PDE4D: variants seen among roughly 807,000 people sequenced by gnomAD.
PDE4D encodes 3',5'-cyclic-AMP phosphodiesterase 4D.
A neutral mutation model predicts 87.4 loss-of-function variants in PDE4D; 24 were observed. The observed-to-expected ratio is 0.27, with a 90% CI of 0.20 to 0.39. The LOEUF (loss-of-function observed/expected upper bound fraction) is 0.39, where lower values mean the gene tolerates loss of function less well. Among genes scored for constraint, PDE4D ranks in the 10% least tolerant of loss-of-function variants. The probability of loss-of-function intolerance (pLI) is 1.00; values close to 1 mark genes in which losing one functional copy is unlikely to be tolerated. For synonymous variants in PDE4D, 384 were observed against 383.2 expected, an observed-to-expected ratio of 1.00 and a Z score of -0.02; for missense variants, 714 against 1,041.0, an observed-to-expected ratio of 0.69 and a Z score of 4.32.
At chr5:59,776,352 A>G (rs550783513) in intron 1 of PDE4D, among the ~76,000 whole-genome samples, 1 of 152,202 alleles carries the variant, frequency 6.6e-6, no homozygotes, top group Non-Finnish European at 1.5e-5. Flanking sequence ...TGGGAGTTTC[A>G]TTTGTCATTT....
intron 1 of PDE4D, among the ~76,000 whole-genome samples, chr5:59,776,771 T>C (rs1401541620): frequency 6.6e-6 from 1 of 152,132 alleles, no homozygotes; most frequent in East Asian, 1.9e-4. Flanking sequence ...AGTTACCTTT[T>C]AGACAATTTC....
chr5:60,392,663 A>G (rs1443871249), intron 1 of PDE4D, among the ~76,000 whole-genome samples: 2 of 152,222 alleles, frequency 1.3e-5, no homozygotes, highest in Non-Finnish European at 2.9e-5. Flanking sequence ...TGCTGCTGCT[A>G]TGTAGCTATA....
At chr5:59,785,183 A>G (rs1032360321) in intron 1 of PDE4D, among the ~76,000 whole-genome samples, 1 of 152,260 alleles carries the variant, frequency 6.6e-6, no homozygotes, top group Non-Finnish European at 1.5e-5. Context: ...CAAATAGTTT[A>G]TAACTTAATC....
intron 1 of PDE4D, among the ~76,000 whole-genome samples, chr5:59,833,369 A>G (rs190740300): frequency 1.4e-3 from 210 of 152,024 alleles, no homozygotes; most frequent in African/African-American, 4.8e-3. Context: ...GGAAATGACA[A>G]TGGAGGAAAA....
chr5:59,352,905 G>C (rs1780749679), intron 1 of PDE4D, among the ~76,000 whole-genome samples: 1 of 152,122 alleles, frequency 6.6e-6, no homozygotes, highest in African/African-American at 2.4e-5. Flanking sequence ...CTGCTAAAAT[G>C]CTGGGAAGGA....
intron 5 of PDE4D, among the ~76,000 whole-genome samples, chr5:59,149,943 A>C (rs1048761824): frequency 3.3e-5 from 5 of 152,122 alleles, no homozygotes; most frequent in African/African-American, 9.7e-5. Context: ...CAAATGCAGA[A>C]ATTAGCCCAG....
At chr5:59,508,032 A>T (rs1809601163) in intron 1 of PDE4D, among the ~76,000 whole-genome samples, 1 of 152,206 alleles carries the variant, frequency 6.6e-6, no homozygotes, top group East Asian at 1.9e-4. Context: ...TCATTAAATT[A>T]AAAGTTTTTG....
At chr5:59,449,342 G>A (rs1798801958) in intron 1 of PDE4D, among the ~76,000 whole-genome samples, 1 of 152,192 alleles carries the variant, frequency 6.6e-6, no homozygotes, top group South Asian at 2.1e-4. Flanking sequence ...CCCAGGAAAA[G>A]TTTGTGCTGG....
At chr5:60,370,691 T>C (rs1760947727) in intron 1 of PDE4D, among the ~76,000 whole-genome samples, 1 of 152,162 alleles carries the variant, frequency 6.6e-6, no homozygotes, top group African/African-American at 2.4e-5. Flanking sequence ...CCTTTCTATT[T>C]TAACCAAGAT....
At chr5:60,095,993 G>T (rs922424254) in intron 2 of PDE4D, among the ~76,000 whole-genome samples, 3 of 151,900 alleles carry the variant, frequency 2.0e-5, no homozygotes, top group African/African-American at 7.3e-5. Context: ...CTGGATATTA[G>T]CCCTTTGTCA....
rs114850516 is a variant in PDE4D at position 59,710,075 on chromosome 5, T to C, written c.455+183093A>G. On this transcript the variant is annotated intron_variant, in intron 1 of 14. Coordinates refer to ENST00000340635, the MANE Select transcript of PDE4D (RefSeq NM_001104631.2). ...GATTCTGGGTGAGACATGGTGACTA[T>C]GTGCATCTGAATATGCTACAAGGAT... Among the ~76,000 whole-genome samples the C allele has an allele frequency of 3.6e-3, 549 of 152,228 alleles. 4 individuals carry two copies. The highest frequency in any genetic ancestry group is 0.012 in the African/African-American group (515 of 41,546).
intron 13 of PDE4D, among the ~76,000 whole-genome samples, chr5:58,976,144 A>AATT (rs1554033829): frequency 1.3e-5 from 2 of 152,164 alleles, no homozygotes; most frequent in African/African-American, 2.4e-5. Flanking sequence ...TAGTTTTTTT[A>AATT]ATTAATGTAG....
chr5:59,278,339 G>A (rs958413873), intron 1 of PDE4D, among the ~76,000 whole-genome samples: 8 of 152,012 alleles, frequency 5.3e-5, no homozygotes, highest in Non-Finnish European at 1.0e-4. Flanking sequence ...GGCTGATGAG[G>A]AGGCCTGAAT....
chr5:59,901,890 TG>T (rs1752298794), intron 3 of PDE4D, among the ~76,000 whole-genome samples: 1 of 150,488 alleles, frequency 6.6e-6, no homozygotes, highest in African/African-American at 2.4e-5. Context: ...ATTCTACTCC[TG>T]GGTACACAGC....
intron 2 of PDE4D, among the ~76,000 whole-genome samples, chr5:59,212,829 A>G (rs1750366527): frequency 6.6e-6 from 1 of 151,906 alleles, no homozygotes. Flanking sequence ...TCATTCGCCT[A>G]TTTAACATTG....
At chr5:59,446,443 A>T (rs2153638366) in intron 1 of PDE4D, among the ~76,000 whole-genome samples, 1 of 152,330 alleles carries the variant, frequency 6.6e-6, no homozygotes, top group African/African-American at 2.4e-5. Flanking sequence ...AGTGTGCATA[A>T]GAAAACTGCC....
chr5:60,378,197 A>G (rs1407847489), intron 1 of PDE4D, among the ~76,000 whole-genome samples: 1 of 152,196 alleles, frequency 6.6e-6, no homozygotes. Context: ...ATAAATTAAT[A>G]AGAATATTTC....
At chr5:59,349,467 C>T (rs1780155967) in intron 1 of PDE4D, among the ~76,000 whole-genome samples, 1 of 152,084 alleles carries the variant, frequency 6.6e-6, no homozygotes, top group Admixed American at 6.6e-5. Flanking sequence ...GGCTTTGATC[C>T]AGCTGCTCAG....
rs572660221 is a variant in PDE4D at position 58,980,126 on chromosome 5, C to T, written c.1553-2781G>A. Among the ~76,000 whole-genome samples, 50 of 152,274 alleles carry T rather than the reference C, an allele frequency of 3.3e-4. No individual in the cohort carries two copies. In the South Asian group the frequency reaches 8.1e-3, roughly 25 times the overall value. ...AAGGCTATGTTCCATTCATGGATGG[C>T]ATGGAGCCATATAGGTGGGAAGTAA... On this transcript the variant is annotated intron_variant, in intron 11 of 14. Transcript: ENST00000340635.
Sources: allele counts gnomAD v4.1 joint callset (sites outside exome capture counted in the v4.1 genomes callset), GRCh38; gene constraint gnomAD v4.1.1; transcripts MANE v1.5; gene names NCBI Gene and HGNC (gene_info 2026-07-23, HGNC 2026-07-21).